The following DICER1 variants were observed in gnomAD, a reference collection of about 807,000 sequenced individuals.
The protein encoded by DICER1 is endoribonuclease Dicer.
Under a neutral mutation model 194.1 loss-of-function variants are expected in DICER1, and 43 were observed. The observed-to-expected ratio is 0.22, with a 90% CI of 0.17 to 0.29. The LOEUF is 0.29. DICER1 is among the 10% of genes least tolerant of loss of function. The pLI, the probability that DICER1 is intolerant of heterozygous loss-of-function variation, is 1.00. For missense variants in DICER1, 1,608 were observed against 2,317.0 expected (o/e 0.69, Z 6.28); for synonymous variants, 832 against 820.5 (o/e 1.01, Z -0.24).
chr14:95,145,229 A>T (rs1427134610), intron 1 of DICER1, among the ~76,000 whole-genome samples: 1 of 152,232 alleles, frequency 6.6e-6, no homozygotes, highest in East Asian at 1.9e-4. Context: ...CACAGATCCC[A>T]GCAATAGAGC....
intron 24 of DICER1, among the ~76,000 whole-genome samples, chr14:95,091,581 C>A (rs10148182): frequency 1.0e-3 from 155 of 151,838 alleles, no homozygotes; most frequent in African/African-American, 3.6e-3. Flanking sequence ...AAAAAATATC[C>A]CCACCCCATT....
At position 95,090,431 on chromosome 14, in the gene DICER1, C is replaced by A. The variant is rs528568542; in HGVS notation, c.*67G>T. Reference sequence around the variant, plus strand: ...ACTAACAACTTTAAGTCTTCCTTTCCGATTTAAATAATTTTCCCCTTAATT... The same window carrying A: ...ACTAACAACTTTAAGTCTTCCTTTCAGATTTAAATAATTTTCCCCTTAATT... On this transcript the variant is annotated 3_prime_UTR_variant, in exon 27 of 27. Coordinates refer to ENST00000343455, the MANE Select transcript of DICER1 (RefSeq NM_177438.3). 8.9e-6 allele frequency: 14 copies of A among 1,567,376 alleles called. No individual in the cohort carries two copies. The highest frequency in any genetic ancestry group is 1.4e-5 in the African/African-American group (1 of 73,960).
At chr14:95,147,121 G>A (rs1895185850) in intron 1 of DICER1, among the ~76,000 whole-genome samples, 1 of 152,202 alleles carries the variant, frequency 6.6e-6, no homozygotes, top group South Asian at 2.1e-4. Flanking sequence ...AACTGTGGAT[G>A]ATTTGTGTGA....
intron 8 of DICER1, among the ~76,000 whole-genome samples, chr14:95,122,553 C>T (rs1893023106): frequency 2.0e-5 from 3 of 152,240 alleles, no homozygotes; most frequent in South Asian, 4.1e-4. Flanking sequence ...TGCCCAGGGG[C>T]ATTACTATGA....
In DICER1 at chr14:95,124,239, T is replaced by C; in HGVS notation, c.1333A>G (p.Ile445Val). 6.2e-7 allele frequency: 1 copy of C among 1,613,972 alleles called. No homozygotes were observed. The highest frequency in any genetic ancestry group is 8.5e-7 in the Non-Finnish European group (1 of 1,180,032). ...PSPFTNILCGIIFVERRYTAV... is the reference protein window; with the variant it reads ...PSPFTNILCGVIFVERRYTAV... Reference sequence around the variant, plus strand: ...GTGTATCTTCTTTCCACAAAAATAATTCCGCACAAAATGTTGGTAAAAGGA... The same window carrying C: ...GTGTATCTTCTTTCCACAAAAATAACTCCGCACAAAATGTTGGTAAAAGGA... Residue 445 changes from isoleucine to valine, a missense_variant, in exon 8 of 27, where the codon ATT becomes GTT. Physicochemically the swap from Ile to Val is conservative, Grantham distance 29 (BLOSUM62 3). This residue lies in a region of DICER1 where 657 missense variants were observed against 910.1 expected (regional missense o/e 0.72). Transcript: ENST00000343455. This position sits in a 1 kb window ranked among gnomAD's most constrained non-coding sequence, Gnocchi z 4.5.
At chr14:95,153,405 G>A (rs1895643739) in intron 1 of DICER1, among the ~76,000 whole-genome samples, 1 of 152,168 alleles carries the variant, frequency 6.6e-6, no homozygotes, top group Admixed American at 6.5e-5. Flanking sequence ...GTGAACACCT[G>A]TATTACTAAA....
chr14:95,148,817 A>G (rs2140430749), intron 1 of DICER1, among the ~76,000 whole-genome samples: 1 of 152,346 alleles, frequency 6.6e-6, no homozygotes, highest in South Asian at 2.1e-4. Context: ...CAAGTTACCT[A>G]TAATGACATT....
At position 95,094,004 on chromosome 14, in the gene DICER1, C is replaced by T. The variant is rs1184678913; in HGVS notation, c.5248G>A (p.Val1750Ile). 2 of 1,614,128 alleles carry T rather than the reference C, an allele frequency of 1.2e-6. No individual in the cohort carries two copies. Among genetic ancestry groups the T allele is most frequent in the Non-Finnish European group, 8.5e-7 (1 of 1,180,026 alleles). Residue 1750 changes from valine (V) to isoleucine (I), a missense_variant, in exon 24 of 27, where the codon GTA becomes ATA. Val to Ile is a conservative substitution (Grantham distance 29). Around this residue, in one of 10 missense-constraint regions of DICER1, gnomAD observed 138 missense variants for 298.3 expected, o/e 0.46. Transcript: ENST00000343455. Reference protein sequence around the residue: ...VNNTIFASLAVKYDYHKYFKA... With the variant: ...VNNTIFASLAIKYDYHKYFKA... ...AAGTACTTGTGGTAGTCGTACTTTACAGCCAGCGATGCAAAGATGGTGTTG... is the reference window on the plus strand; with the variant it reads ...AAGTACTTGTGGTAGTCGTACTTTATAGCCAGCGATGCAAAGATGGTGTTG...
rs761585665 is a variant in DICER1, at chr14:95,117,580, T to A, written c.1509+42A>T. On this transcript the variant is annotated intron_variant, in intron 9 of 26. Coordinates refer to ENST00000343455, the MANE Select transcript of DICER1 (RefSeq NM_177438.3). ...CCTATGGGCACTTTGTCTGTATATG[T>A]CCCGAAAACTGTTATTGTACACTTA... 1.9e-6 allele frequency: 3 copies of A among 1,610,270 alleles called. No homozygotes were observed. In the Middle Eastern group the frequency reaches 5.0e-4, roughly 266 times the overall value.
At chr14:95,132,810 CCA>C (rs1022650832) in intron 2 of DICER1, 133 bp from the exon 3 acceptor site, 10 of 832,318 alleles carry the variant, frequency 1.2e-5, no homozygotes, top group Middle Eastern at 3.2e-4. Context: ...AAAAAAAACC[CCA>C]CAGTCTACGT....
intron 9 of DICER1, among the ~76,000 whole-genome samples, chr14:95,117,185 A>G: frequency 6.6e-6 from 1 of 152,298 alleles, no homozygotes; most frequent in East Asian, 1.9e-4. Flanking sequence ...GCTAAAATCT[A>G]TAAAATATAG....
Position 95,124,534 on chromosome 14 carries a change from C to T in DICER1, c.1038G>A (p.Leu346=). 6.2e-7 allele frequency: 1 copy of T among 1,613,964 alleles called. No individual in the cohort carries two copies. The highest frequency in any genetic ancestry group is 1.1e-5 in the South Asian group (1 of 91,078). ...TTTTCCTTAGGAAAGTGTCTGTAAA[C>T]AATAAAAATTTCCTGTGCAGCTCCT... ...EQEELHRKFL[L]FTDTFLRKIH... The change falls in exon 8 of 27, where the codon TTG becomes TTA. Residue 346 remains leucine (L), a synonymous_variant. Transcript: ENST00000343455. This position sits in a 1 kb window ranked among gnomAD's most constrained non-coding sequence, Gnocchi z 4.5.
At chr14:95,116,105 CT>C (rs1456151075) in intron 10 of DICER1, among the ~76,000 whole-genome samples, 2 of 151,520 alleles carry the variant, frequency 1.3e-5, no homozygotes, top group Non-Finnish European at 2.9e-5. Context: ...GTTAGTCTTT[CT>C]GAATGTAACT....
In DICER1 at chr14:95,115,745, ACGT is replaced by A. The variant is rs755238558; in HGVS notation, c.1826_1828del (p.Asp609del). 1 of 1,614,150 alleles carries A rather than the reference ACGT, an allele frequency of 6.2e-7. No individual in the cohort carries two copies. The highest frequency in any genetic ancestry group is 1.1e-5 in the South Asian group (1 of 91,082). On this transcript the variant is annotated inframe_deletion, in exon 11 of 27. Transcript: ENST00000343455. ...AGGCCTCAACACATATGGTGGGAAA[ACGT>A]CATCATCATCCATGACAGGATCAAT...
rs1198199972 is a variant in DICER1 at position 95,143,932 on chromosome 14, C to CA, written c.-45-10430dup. The stretch of plus-strand genomic sequence containing the variant: ...TGGAGAAGCCCTAAAATATGCTGGC[C>CA]AACTACATGGAGGAATTTTTAAAAA... On this transcript the variant is annotated intron_variant, in intron 1 of 26. Coordinates refer to ENST00000343455, the MANE Select transcript of DICER1 (RefSeq NM_177438.3). Among the ~76,000 whole-genome samples, 3 of 151,954 alleles carry CA rather than the reference C, an allele frequency of 2.0e-5. No homozygotes were observed. The East Asian group carries it at 5.8e-4, about 29-fold the overall frequency.
At chr14:95,101,068 G>T (rs112396221) in intron 21 of DICER1, among the ~76,000 whole-genome samples, 1 of 152,202 alleles carries the variant, frequency 6.6e-6, no homozygotes, top group African/African-American at 2.4e-5. Flanking sequence ...GACAGAAATG[G>T]TGGGCAGGAT....
intron 1 of DICER1, among the ~76,000 whole-genome samples, chr14:95,149,766 T>G (rs1895391448): frequency 6.6e-6 from 1 of 152,220 alleles, no homozygotes; most frequent in African/African-American, 2.4e-5. Context: ...ATGTTGAGAA[T>G]AAGCTTTATT....
chr14:95,131,307 C>T (rs989335092), intron 4 of DICER1, among the ~76,000 whole-genome samples: 2 of 152,274 alleles, frequency 1.3e-5, no homozygotes, highest in Non-Finnish European at 2.9e-5. Context: ...TTACAGACGT[C>T]AGCCACTGCA....
intron 9 of DICER1, 99 bp downstream of exon 9, chr14:95,117,523 G>T: frequency 7.9e-7 from 1 of 1,259,390 alleles, no homozygotes; most frequent in Non-Finnish European, 1.2e-6. Context: ...AAAAATAATA[G>T]TAATTCTGGG....
Sources: allele counts gnomAD v4.1 joint callset (sites outside exome capture counted in the v4.1 genomes callset), GRCh38; gene constraint gnomAD v4.1.1; regional missense constraint gnomAD v4.1.1; non-coding constraint Gnocchi (gnomAD v3.1); transcripts MANE v1.5; gene names NCBI Gene and HGNC (gene_info 2026-07-23, HGNC 2026-07-21).